The following ANKRD12 variants were observed in gnomAD, a reference collection of about 807,000 sequenced individuals.
ANKRD12 encodes the protein ankyrin repeat domain-containing protein 12.
Under a neutral mutation model 183.4 loss-of-function variants are expected in ANKRD12, and 85 were observed. The observed-to-expected ratio is 0.46, with a 90% CI of 0.39 to 0.56. ANKRD12 has a LOEUF of 0.56. ANKRD12 is among the 20% of genes least tolerant of loss of function. The probability of loss-of-function intolerance (pLI) is 0.00; values close to 1 mark genes in which losing one functional copy is unlikely to be tolerated. For missense variants in ANKRD12, 2,405 were observed against 2,357.1 expected, an observed-to-expected ratio of 1.02 and a Z score of -0.42; for synonymous variants, 914 against 800.2, an observed-to-expected ratio of 1.14 and a Z score of -2.40.
intron 1 of ANKRD12, among the ~76,000 whole-genome samples, chr18:9,167,316 C>T (rs566446230): frequency 3.7e-4 from 57 of 152,222 alleles, no homozygotes; most frequent in Non-Finnish European, 6.5e-4. Flanking sequence ...GCAGTATGGC[C>T]GTTGTCATGA....
intron 1 of ANKRD12, among the ~76,000 whole-genome samples, chr18:9,145,896 T>G (rs1000537573): frequency 1.3e-5 from 2 of 152,212 alleles, no homozygotes. Context: ...ATTCTCTGTT[T>G]ATGGGCAACT....
chr18:9,223,284 C>T (rs546318854), intron 8 of ANKRD12, among the ~76,000 whole-genome samples: 23 of 151,092 alleles, frequency 1.5e-4, no homozygotes, highest in Non-Finnish European at 4.4e-5. Context: ...GGTGGAGTCT[C>T]GCTCTGTCGC....
intron 8 of ANKRD12, among the ~76,000 whole-genome samples, chr18:9,246,347 T>A (rs1448242549): frequency 1.3e-5 from 2 of 152,188 alleles, no homozygotes; most frequent in Non-Finnish European, 2.9e-5. Flanking sequence ...AAGTATAAAT[T>A]CCACCAAACA....
intron 2 of ANKRD12, among the ~76,000 whole-genome samples, chr18:9,187,675 T>C (rs1259377055): frequency 1.3e-5 from 2 of 152,218 alleles, no homozygotes; most frequent in Non-Finnish European, 2.9e-5. Flanking sequence ...TCATCTGTGG[T>C]CTTTTCCCCC....
Position 9,246,502 on chromosome 18 carries a change from A to G in ANKRD12, c.944-7709A>G, listed in dbSNP as rs1051483748. On this transcript the variant is annotated intron_variant, in intron 8 of 12. Transcript: ENST00000262126. ...TTTCCATTATTTATTTGAAAGACTG[A>G]TGGTTTCCACTGCCCTTATTCTAAA... is the stretch of plus-strand genomic sequence containing the variant. 3.9e-5 allele frequency among the ~76,000 whole-genome samples: 6 copies of G among 152,112 alleles called. No individual in the cohort carries two copies. In the East Asian group the frequency reaches 1.2e-3, roughly 29 times the overall value.
At chr18:9,142,448 C>T (rs1198613615) in intron 1 of ANKRD12, among the ~76,000 whole-genome samples, 1 of 152,142 alleles carries the variant, frequency 6.6e-6, no homozygotes, top group Non-Finnish European at 1.5e-5. Context: ...ATTAGCAAAC[C>T]TAAAGGAAGA....
chr18:9,279,733 TAGG>T (rs1435717569), intron 12 of ANKRD12, 89 bp downstream of exon 12: 2 of 730,940 alleles, frequency 2.7e-6, no homozygotes, highest in Non-Finnish European at 4.5e-6. Context: ...GAGAAATAAT[TAGG>T]AGGGGAAATA....
rs770542133 is a variant in ANKRD12 at position 9,257,369 on chromosome 18, A to G, written c.4102A>G (p.Ser1368Gly). ...TTCAAATGTATCTAACATACATTCC[A>G]GTTTTGCAACTTCTCCAACTGGAGC... ...DLSNVSNIHS[S>G]FATSPTGASN... is the part of the protein sequence containing the mutation. Residue 1368 changes from serine to glycine, a missense_variant, in exon 9 of 13, where the codon AGT (serine) becomes GGT (glycine). By Grantham distance (56) the Ser-to-Gly change is moderately conservative (BLOSUM62 0). This residue lies in a region of ANKRD12 where 1,983 missense variants were observed against 1,725.9 expected (regional missense o/e 1.15). Coordinates refer to ENST00000262126, the MANE Select transcript of ANKRD12 (RefSeq NM_015208.5). 3.7e-6 allele frequency: 6 copies of G among 1,614,024 alleles called. No homozygotes were observed. The highest frequency in any genetic ancestry group is 2.2e-5 in the East Asian group (1 of 44,892).
intron 8 of ANKRD12, among the ~76,000 whole-genome samples, chr18:9,243,862 C>T (rs1469312212): frequency 2.6e-5 from 4 of 152,164 alleles, no homozygotes; most frequent in East Asian, 1.9e-4. Flanking sequence ...GAGATGGGTG[C>T]GGTGGCCCAC....
chr18:9,249,887 A>C (rs1010904387), intron 8 of ANKRD12: 1 of 152,224 alleles, frequency 6.6e-6, no homozygotes, highest in East Asian at 1.9e-4. Flanking sequence ...GTACTCCACT[A>C]TTATGGCTAA....
chr18:9,194,841 C>T (rs1415258355), intron 2 of ANKRD12, among the ~76,000 whole-genome samples: 1 of 152,048 alleles, frequency 6.6e-6, no homozygotes, highest in African/African-American at 2.4e-5. Context: ...TTTGTTTACC[C>T]AAAAGAATAT....
chr18:9,137,698 TAAA>T (rs1418235444), intron 1 of ANKRD12: 3 of 152,164 alleles, frequency 2.0e-5, no homozygotes, highest in Non-Finnish European at 4.4e-5. Context: ...AATGCCAGTG[TAAA>T]ATAACCTTGC....
Position 9,255,710 on chromosome 18 carries a change from A to T in ANKRD12, c.2443A>T (p.Ile815Leu). The T allele has an allele frequency of 6.3e-7, 1 of 1,598,542 alleles. No individual in the cohort carries two copies. The highest frequency in any genetic ancestry group is 8.5e-7 in the Non-Finnish European group (1 of 1,176,094). Residue 815 changes from isoleucine to leucine, a missense_variant, in exon 9 of 13, where the codon ATA (isoleucine) becomes TTA (leucine). By Grantham distance (5) the Ile-to-Leu change is conservative. This residue lies in a region of ANKRD12 where 1,983 missense variants were observed against 1,725.9 expected (regional missense o/e 1.15). Transcript: ENST00000262126. ...EIDIEKQEKH[I>L]KESKEKPEKR... ...AGACATTGAAAAACAAGAAAAGCAT[A>T]TAAAGGAAAGTAAAGAAAAACCTGA...
intron 8 of ANKRD12, among the ~76,000 whole-genome samples, chr18:9,225,775 A>AC (rs1309559668): frequency 6.6e-6 from 1 of 152,218 alleles, no homozygotes; most frequent in Non-Finnish European, 1.5e-5. Flanking sequence ...ATAACCACTT[A>AC]CAGTACTTTT....
chr18:9,179,777 C>A (rs2033562669), intron 1 of ANKRD12, among the ~76,000 whole-genome samples: 1 of 152,206 alleles, frequency 6.6e-6, no homozygotes, highest in African/African-American at 2.4e-5. Context: ...CTTGGCCTCC[C>A]AAAGTGCTGG....
At chr18:9,230,959 T>C (rs1567943551) in intron 8 of ANKRD12, among the ~76,000 whole-genome samples, 1 of 152,154 alleles carries the variant, frequency 6.6e-6, no homozygotes, top group African/African-American at 2.4e-5. Context: ...TAAGCCACCA[T>C]GCCTGGCCTC....
intron 2 of ANKRD12, among the ~76,000 whole-genome samples, chr18:9,186,934 G>A (rs1477415750): frequency 6.6e-6 from 1 of 151,836 alleles, no homozygotes; most frequent in Non-Finnish European, 1.5e-5. Context: ...TGTATTTTTA[G>A]TAGAGACGGG....
At chr18:9,251,591 C>G (rs559948573) in intron 8 of ANKRD12, among the ~76,000 whole-genome samples, 16 of 152,068 alleles carry the variant, frequency 1.1e-4, no homozygotes, top group African/African-American at 3.9e-4. Flanking sequence ...GTCGGGAGTT[C>G]GAGACCAGTC....
chr18:9,248,248 T>A (rs1329974812), intron 8 of ANKRD12, among the ~76,000 whole-genome samples: 1 of 152,234 alleles, frequency 6.6e-6, no homozygotes, highest in African/African-American at 2.4e-5. Flanking sequence ...TCTGATCAAT[T>A]TTCTTAATTT....
Sources: gnomAD v4.1 joint callset for allele counts (sites outside exome capture counted in the v4.1 genomes callset) on GRCh38, gnomAD v4.1.1 for gene constraint, gnomAD v4.1.1 regional missense constraint, MANE v1.5 for transcripts, NCBI Gene and HGNC (gene_info 2026-07-23, HGNC 2026-07-21) for gene names.